PDXDC1: variants seen among roughly 807,000 people sequenced by gnomAD.
PDXDC1 encodes the protein pyridoxal dependent decarboxylase domain containing 1.
In PDXDC1, 42 loss-of-function variants were observed where a neutral mutation model predicts 100.1. The ratio of observed to expected loss-of-function variants is 0.42; its 90% CI spans 0.33 to 0.54. PDXDC1 has a LOEUF of 0.54. Among genes scored for constraint, PDXDC1 ranks in the 20% least tolerant of loss-of-function variants. PDXDC1 has a pLI of 0.10. For missense variants in PDXDC1, 636 were observed against 979.2 expected, an observed-to-expected ratio of 0.65 and a Z score of 4.68; for synonymous variants, 260 against 371.7, an observed-to-expected ratio of 0.70 and a Z score of 3.46.
At chr16:15,087,846 A>G (rs2966178) in intron 16 of PDXDC1, among the ~76,000 whole-genome samples, 83,806 of 151,956 alleles carry the variant, frequency 0.55, 24,140 homozygotes, top group Middle Eastern at 0.66. Context: ...TGGGCGTGGT[A>G]GCTCATGTCT....
At chr16:15,052,577 G>A (rs544746702) in intron 16 of PDXDC1, among the ~76,000 whole-genome samples, 1 of 152,334 alleles carries the variant, frequency 6.6e-6, no homozygotes, top group Non-Finnish European at 1.5e-5. Context: ...GCTCACGCCT[G>A]TAATCCCAGC....
At chr16:15,132,793 C>T (rs2048169058) in intron 16 of PDXDC1, 1 of 1,247,390 alleles carries the variant, frequency 8.0e-7, no homozygotes, top group South Asian at 1.2e-5. Context: ...ACACCAGAGT[C>T]TCCGTGATGT....
chr16:14,979,638 C>T (rs1320844752), intron 1 of PDXDC1, among the ~76,000 whole-genome samples: 1 of 152,266 alleles, frequency 6.6e-6, no homozygotes, highest in Non-Finnish European at 1.5e-5. Flanking sequence ...CAACTTTGAC[C>T]CTGTTTCTGA....
chr16:15,077,573 G>A (rs1424839318), intron 16 of PDXDC1, among the ~76,000 whole-genome samples: 2 of 152,214 alleles, frequency 1.3e-5, no homozygotes, highest in Non-Finnish European at 1.5e-5. Context: ...CAGGTGCAGT[G>A]GCTCACGCCT....
intron 16 of PDXDC1, chr16:15,091,242 G>A: frequency 6.3e-7 from 1 of 1,576,152 alleles, no homozygotes; most frequent in Non-Finnish European, 8.7e-7. Context: ...GGACAGAATG[G>A]GACCCAAAGA....
intron 19 of PDXDC1, 149 bp downstream of exon 19, chr16:15,033,548 G>A (rs535443575): frequency 1.2e-4 from 108 of 916,926 alleles, no homozygotes; most frequent in African/African-American, 1.1e-3. Context: ...CTTGTGCCAG[G>A]TGTCAGAGAT....
At chr16:15,125,445 C>G in intron 16 of PDXDC1, 7 of 866,838 alleles carry the variant, frequency 8.1e-6, no homozygotes, top group Admixed American at 5.1e-5. Context: ...GTGGTGTGAC[C>G]ACATGGAGCC....
rs1332931429 is a variant in PDXDC1 at position 15,133,435 on chromosome 16, G to T, written c.1400-5444G>T. The stretch of plus-strand genomic sequence containing the variant: ...TGATGGCCAGAGACCTACGAGCAGA[G>T]GGGGGTGGTGAGCAGGTGGCAGTCT... On this transcript the variant is annotated intron_variant, in intron 16 of 16. Coordinates refer to the PDXDC1 transcript ENST00000535621. The T allele has an allele frequency of 4.0e-6, 4 of 990,310 alleles. No homozygotes were observed. The Admixed American group carries it at 7.9e-5, about 20-fold the overall frequency. The allele number at this position is 990,310 out of a possible 1,614,324, so 61.3% of individuals were successfully genotyped here.
At chr16:15,075,672 A>G (rs1359879806) in intron 16 of PDXDC1, among the ~76,000 whole-genome samples, 1 of 152,240 alleles carries the variant, frequency 6.6e-6, no homozygotes, top group Non-Finnish European at 1.5e-5. Context: ...GAAATTTAAA[A>G]TAAAAGCCAA....
chr16:14,981,834 CTT>C (rs60018596), intron 1 of PDXDC1, among the ~76,000 whole-genome samples: 1 of 149,126 alleles, frequency 6.7e-6, no homozygotes, highest in Non-Finnish European at 1.5e-5. Flanking sequence ...TCTTTTGTTT[CTT>C]TTTTTTTTTT....
chr16:15,133,870 G>A (rs2048226042), intron 16 of PDXDC1: 2 of 1,542,280 alleles, frequency 1.3e-6, no homozygotes, highest in African/African-American at 1.4e-5. Flanking sequence ...GAGCCCCCCA[G>A]CGGCGGGCGG....
At chr16:15,084,217 T>C (rs2045824137) in intron 16 of PDXDC1, among the ~76,000 whole-genome samples, 2 of 152,324 alleles carry the variant, frequency 1.3e-5, no homozygotes, top group Admixed American at 1.3e-4. Context: ...TTGGATTTTT[T>C]TTAAGTTAAC....
At chr16:15,122,252 A>G (rs1238592994) in intron 16 of PDXDC1, among the ~76,000 whole-genome samples, 8 of 150,766 alleles carry the variant, frequency 5.3e-5, no homozygotes, top group East Asian at 2.0e-4. Flanking sequence ...TTTGTTTGTT[A>G]GAGACAAGAG....
At chr16:15,071,843 T>G (rs2045246218) in intron 16 of PDXDC1, among the ~76,000 whole-genome samples, 1 of 152,182 alleles carries the variant, frequency 6.6e-6, no homozygotes, top group Non-Finnish European at 1.5e-5. Context: ...GACAGGGCTT[T>G]GGAATCCACA....
chr16:15,150,354 T>C, the PDXDC1 span, among the ~76,000 whole-genome samples: 1 of 143,466 alleles, frequency 7.0e-6, no homozygotes, highest in African/African-American at 2.6e-5. Flanking sequence ...TAACAATAAA[T>C]AAATAAATAA....
chr16:14,984,476 C>CATAT (rs749990542), intron 1 of PDXDC1, among the ~76,000 whole-genome samples: 2,853 of 92,126 alleles, frequency 0.031, 96 homozygotes, highest in Non-Finnish European at 0.041. Context: ...TGTGTGTATA[C>CATAT]ATATATATAT....
chr16:15,065,340 T>C, intron 16 of PDXDC1: 1 of 1,613,520 alleles, frequency 6.2e-7, no homozygotes, highest in Non-Finnish European at 8.5e-7. Flanking sequence ...TTCCTCTCAA[T>C]GATGGTGTAG....
chr16:15,002,212 T>G (rs1402723073), intron 4 of PDXDC1, among the ~76,000 whole-genome samples: 2 of 152,296 alleles, frequency 1.3e-5, no homozygotes, highest in African/African-American at 2.4e-5. Flanking sequence ...TTATTTTAAA[T>G]TTAATGTTTT....
intron 16 of PDXDC1, among the ~76,000 whole-genome samples, chr16:15,064,949 G>A (rs569529884): frequency 4.3e-4 from 66 of 152,242 alleles, no homozygotes; most frequent in Non-Finnish European, 7.5e-4. Flanking sequence ...GGCGGATCAC[G>A]AGGTCAGGAG....
Sources: gnomAD v4.1 joint callset for allele counts (sites outside exome capture counted in the v4.1 genomes callset) on GRCh38, gnomAD v4.1.1 for gene constraint, MANE v1.5 for transcripts, NCBI Gene and HGNC (gene_info 2026-07-23, HGNC 2026-07-21) for gene names.